The following RAB2A variants were observed in gnomAD, a reference collection of about 807,000 sequenced individuals.
RAB2A encodes the protein RAB2A, member RAS oncogene family.
RAB2A carries 7 observed loss-of-function variants against 32.5 expected under a neutral mutation model. The ratio of observed to expected loss-of-function variants is 0.22; its 90% CI spans 0.12 to 0.40. The LOEUF is 0.40. RAB2A is among the 10% of genes least tolerant of loss of function. The pLI is 1.00. For synonymous variants in RAB2A, 79 were observed against 85.2 expected, an observed-to-expected ratio of 0.93 and a Z score of 0.40; for missense variants, 108 against 260.7, an observed-to-expected ratio of 0.41 and a Z score of 4.03.
At chr8:60,590,751 T>C (rs979205189) in intron 5 of RAB2A, among the ~76,000 whole-genome samples, 4 of 151,892 alleles carry the variant, frequency 2.6e-5, no homozygotes, top group Middle Eastern at 3.4e-3. Context: ...ATGTATTATA[T>C]GGATAAATTT....
chr8:60,620,808 C>A lies in RAB2A; in HGVS notation c.*39C>A. ...GTCTAGCTGCCCAACGGGGCCTACTCACTTATTCTTTCACCCCCTCTCCTC... is the reference window on the plus strand; with the variant it reads ...GTCTAGCTGCCCAACGGGGCCTACTAACTTATTCTTTCACCCCCTCTCCTC... On this transcript the variant is annotated 3_prime_UTR_variant, in exon 8 of 8. Transcript: ENST00000262646. 6.5e-7 allele frequency: 1 copy of A among 1,548,126 alleles called. No individual in the cohort carries two copies. Among genetic ancestry groups the A allele is most frequent in the South Asian group, 1.2e-5 (1 of 84,660 alleles).
intron 2 of RAB2A, among the ~76,000 whole-genome samples, chr8:60,560,872 T>TG (rs1253234862): frequency 1.3e-5 from 2 of 152,112 alleles, no homozygotes; most frequent in African/African-American, 4.8e-5. Flanking sequence ...AGGCTATACT[T>TG]GCGGGGAAAG....
chr8:60,574,728 T>G lies in RAB2A; in HGVS notation c.186+2615T>G, dbSNP rs181846269. Among the ~76,000 whole-genome samples the G allele has an allele frequency of 3.9e-5, 6 of 152,350 alleles. No homozygotes were observed. In the East Asian group the frequency reaches 1.2e-3, roughly 29 times the overall value. ...TGGTTTTTTGTGGGTTTTCTTGTTT[T>G]TGTTTTTGCTTGAGTTGATTTCTTT... On this transcript the variant is annotated intron_variant, in intron 3 of 7. Coordinates refer to ENST00000262646, the MANE Select transcript of RAB2A (RefSeq NM_002865.3).
chr8:60,540,049 T>C (rs538898229), intron 1 of RAB2A, among the ~76,000 whole-genome samples: 2 of 151,734 alleles, frequency 1.3e-5, no homozygotes, highest in African/African-American at 4.8e-5. Flanking sequence ...TGGAATGCAT[T>C]GAAGTTTTTG....
chr8:60,540,543 A>G (rs1217014827), intron 1 of RAB2A, among the ~76,000 whole-genome samples: 1 of 152,152 alleles, frequency 6.6e-6, no homozygotes, highest in African/African-American at 2.4e-5. Context: ...GCAATGGCGC[A>G]ATCTTGGCTC....
At chr8:60,553,278 T>C (rs1362185434) in intron 1 of RAB2A, among the ~76,000 whole-genome samples, 2 of 152,182 alleles carry the variant, frequency 1.3e-5, no homozygotes, top group African/African-American at 4.8e-5. Context: ...AACCCACAGG[T>C]ATGGCTAAAG....
chr8:60,522,979 G>A (rs966877386), intron 1 of RAB2A, among the ~76,000 whole-genome samples: 29 of 152,070 alleles, frequency 1.9e-4, no homozygotes, highest in African/African-American at 7.0e-4. Context: ...TATTATATAA[G>A]CAGATTTGTT....
intron 6 of RAB2A, among the ~76,000 whole-genome samples, chr8:60,599,402 C>G (rs1056046713): frequency 6.6e-6 from 1 of 152,062 alleles, no homozygotes; most frequent in Non-Finnish European, 1.5e-5. Context: ...TATCAAACTT[C>G]CAGTACAATG....
chr8:60,552,712 T>C (rs1264568360), intron 1 of RAB2A: 3 of 152,178 alleles, frequency 2.0e-5, no homozygotes, highest in African/African-American at 7.2e-5. Flanking sequence ...AAAGATGAAA[T>C]AATATATGGA....
intron 6 of RAB2A, among the ~76,000 whole-genome samples, chr8:60,605,853 A>ATATATATATATAT (rs201989396): frequency 1.9e-4 from 22 of 114,992 alleles, no homozygotes; most frequent in South Asian, 9.6e-4. Flanking sequence ...ATATATATAT[A>ATATATATATATAT]ATGCTTCATT....
intron 2 of RAB2A, among the ~76,000 whole-genome samples, chr8:60,565,806 G>A (rs1808103883): frequency 6.9e-6 from 1 of 144,850 alleles, no homozygotes; most frequent in South Asian, 2.2e-4. Flanking sequence ...CACATCCCAG[G>A]TTCAAGCGAT....
At chr8:60,530,605 T>A (rs1179711589) in intron 1 of RAB2A, among the ~76,000 whole-genome samples, 10 of 152,110 alleles carry the variant, frequency 6.6e-5, no homozygotes, top group Admixed American at 1.3e-4. Context: ...ACCTTTTTTT[T>A]AAAAAAGGCC....
intron 1 of RAB2A, chr8:60,553,159 T>C (rs1295004750): frequency 6.6e-6 from 1 of 152,174 alleles, no homozygotes; most frequent in Non-Finnish European, 1.5e-5. Context: ...TATGTGTGCA[T>C]GTGATTAGAT....
At chr8:60,547,390 C>T (rs1244873907) in intron 1 of RAB2A, among the ~76,000 whole-genome samples, 2 of 152,220 alleles carry the variant, frequency 1.3e-5, no homozygotes, top group Non-Finnish European at 2.9e-5. Context: ...TCATCATGGC[C>T]CGTTCTCAAT....
intron 1 of RAB2A, among the ~76,000 whole-genome samples, chr8:60,517,899 G>T (rs1807234902): frequency 6.6e-6 from 1 of 152,142 alleles, no homozygotes; most frequent in Admixed American, 6.5e-5. Flanking sequence ...CCCTTTCGGG[G>T]TTAGGAAAGC....
intron 5 of RAB2A, among the ~76,000 whole-genome samples, chr8:60,588,789 A>G (rs983195644): frequency 6.6e-6 from 1 of 152,130 alleles, no homozygotes; most frequent in Admixed American, 6.5e-5. Flanking sequence ...AACTTCTTTT[A>G]TGTCTGTTAC....
intron 1 of RAB2A, among the ~76,000 whole-genome samples, chr8:60,532,184 G>A (rs1199194197): frequency 6.6e-6 from 1 of 152,142 alleles, no homozygotes; most frequent in Non-Finnish European, 1.5e-5. Context: ...AACCCCTTTG[G>A]AAAGAGGTGG....
chr8:60,525,082 C>T (rs1331250255), intron 1 of RAB2A, among the ~76,000 whole-genome samples: 2 of 152,178 alleles, frequency 1.3e-5, no homozygotes, highest in Non-Finnish European at 2.9e-5. Flanking sequence ...TGAGTTGTGT[C>T]ATTTGGGGCA....
Position 60,591,837 on chromosome 8 carries a change from C to A in RAB2A, c.363-21C>A. The A allele has an allele frequency of 2.0e-6, 3 of 1,464,200 alleles. No homozygotes were observed. In the Admixed American group the frequency reaches 5.1e-5, roughly 25 times the overall value. The allele number at this position is 1,464,200 out of a possible 1,614,324, so 90.7% of individuals were successfully genotyped here. A position where few individuals can be genotyped will look rare whatever the true frequency, so the allele number is the denominator to read the frequency against. The stretch of plus-strand genomic sequence containing the variant: ...TGTACCATGTTGATTAGTAATGTGA[C>A]CCTTTCTTTCCCATGTTTAGTGATT... On this transcript the variant is annotated intron_variant, in intron 5 of 7. Transcript: ENST00000262646.
Sources: allele counts gnomAD v4.1 joint callset (sites outside exome capture counted in the v4.1 genomes callset), GRCh38; gene constraint gnomAD v4.1.1; transcripts MANE v1.5; gene names NCBI Gene and HGNC (gene_info 2026-07-23, HGNC 2026-07-21).